Variants in RBFOX1 observed in about 807,000 individuals in gnomAD.
RBFOX1 encodes RNA binding fox-1 homolog 1.
In RBFOX1, 8 loss-of-function variants were observed where a neutral mutation model predicts 57.7. The ratio of observed to expected loss-of-function variants is 0.14; its 90% CI spans 0.08 to 0.25. The LOEUF (loss-of-function observed/expected upper bound fraction) is 0.25. RBFOX1 is among the 10% of genes least tolerant of loss of function. The pLI, the probability that RBFOX1 is intolerant of heterozygous loss-of-function variation, is 1.00. For missense variants in RBFOX1, 611 were observed against 548.5 expected (o/e 1.11, Z -1.14); for synonymous variants, 326 against 222.4 (o/e 1.47, Z -4.15).
chr16:6,053,608 G>A (rs570973781), intron 1 of RBFOX1, among the ~76,000 whole-genome samples: 11 of 152,234 alleles, frequency 7.2e-5, no homozygotes, highest in East Asian at 1.9e-4. Flanking sequence ...ACTGTGTTGC[G>A]TAAATAGTCA....
chr16:7,448,773 T>A, intron 4 of RBFOX1, among the ~76,000 whole-genome samples: 1 of 152,150 alleles, frequency 6.6e-6, no homozygotes, highest in Non-Finnish European at 1.5e-5. Flanking sequence ...ATTTTCCTTC[T>A]ATGTTTGTCT....
intron 11 of RBFOX1, among the ~76,000 whole-genome samples, chr16:7,631,593 C>T (rs956807086): frequency 1.4e-4 from 22 of 152,214 alleles, no homozygotes; most frequent in South Asian, 8.3e-4. Flanking sequence ...CAGAATGAGT[C>T]GTCTTTAGGG....
chr16:6,804,674 C>T (rs1210656984), intron 3 of RBFOX1, among the ~76,000 whole-genome samples: 1 of 152,150 alleles, frequency 6.6e-6, no homozygotes, highest in South Asian at 2.1e-4. Context: ...AGCCAACTTT[C>T]TAAAGAATAA....
chr16:6,861,581 A>G (rs1477040387), intron 3 of RBFOX1, among the ~76,000 whole-genome samples: 1 of 146,558 alleles, frequency 6.8e-6, no homozygotes, highest in Non-Finnish European at 1.5e-5. Flanking sequence ...CTCTCATTTC[A>G]TATGAAAGTA....
intron 3 of RBFOX1, among the ~76,000 whole-genome samples, chr16:5,673,931 G>T (rs1038473313): frequency 1.3e-5 from 2 of 152,210 alleles, no homozygotes; most frequent in Admixed American, 1.3e-4. Flanking sequence ...AAAACCGAAA[G>T]GGGGAATGAG....
At chr16:7,420,729 C>G (rs778587105) in intron 4 of RBFOX1, among the ~76,000 whole-genome samples, 1 of 151,148 alleles carries the variant, frequency 6.6e-6, no homozygotes, top group African/African-American at 2.4e-5. Context: ...AAATGTATGA[C>G]TTCAATTACA....
upstream of RBFOX1, among the ~76,000 whole-genome samples, chr16:6,015,882 C>T (rs959875493): frequency 9.2e-5 from 14 of 152,164 alleles, no homozygotes; most frequent in African/African-American, 1.2e-4. Context: ...TTGGACTGTA[C>T]GCTTCTCGAG....
chr16:6,681,226 C>T (rs1472809333), intron 3 of RBFOX1, among the ~76,000 whole-genome samples: 2 of 152,060 alleles, frequency 1.3e-5, no homozygotes, highest in African/African-American at 4.8e-5. Context: ...GCAGGAGCAT[C>T]ACTTAAGCCT....
chr16:7,611,059 A>G (rs957690226), intron 10 of RBFOX1, among the ~76,000 whole-genome samples: 1 of 152,180 alleles, frequency 6.6e-6, no homozygotes, highest in African/African-American at 2.4e-5. Flanking sequence ...TCATTTCTCT[A>G]TATAAGGTTG....
intron 13 of RBFOX1, among the ~76,000 whole-genome samples, chr16:7,672,453 G>C (rs1042056119): frequency 2.6e-5 from 4 of 152,112 alleles, no homozygotes; most frequent in Non-Finnish European, 5.9e-5. Context: ...ATTAAAACCT[G>C]AATGTGAGAA....
intron 4 of RBFOX1, among the ~76,000 whole-genome samples, chr16:7,317,565 C>T (rs1401458020): frequency 6.6e-6 from 1 of 152,156 alleles, no homozygotes; most frequent in Non-Finnish European, 1.5e-5. Flanking sequence ...AAGGCACTCA[C>T]CAGCTTGGTA....
At chr16:5,894,755 C>T (rs959862055) in intron 4 of RBFOX1, among the ~76,000 whole-genome samples, 6 of 152,160 alleles carry the variant, frequency 3.9e-5, no homozygotes, top group Non-Finnish European at 8.8e-5. Context: ...GGCGTGGTGG[C>T]TCACGCCTGT....
chr16:6,489,229 A>G (rs1287960402), intron 2 of RBFOX1, among the ~76,000 whole-genome samples: 1 of 152,230 alleles, frequency 6.6e-6, no homozygotes, highest in African/African-American at 2.4e-5. Flanking sequence ...TGGAAGAGCA[A>G]TTCTAACAAC....
At chr16:6,466,402 C>G (rs971828025) in intron 2 of RBFOX1, among the ~76,000 whole-genome samples, 2 of 152,202 alleles carry the variant, frequency 1.3e-5, no homozygotes, top group East Asian at 1.9e-4. Context: ...TTAGAATCCT[C>G]TCAGCCACCA....
At chr16:6,888,344 A>C (rs1044978230) in intron 3 of RBFOX1, among the ~76,000 whole-genome samples, 2 of 152,180 alleles carry the variant, frequency 1.3e-5, no homozygotes, top group African/African-American at 4.8e-5. Flanking sequence ...GAATCACTGA[A>C]GCTGTTTGAA....
intron 5 of RBFOX1, among the ~76,000 whole-genome samples, chr16:7,559,581 C>A (rs551982813): frequency 4.4e-4 from 67 of 152,298 alleles, no homozygotes; most frequent in Non-Finnish European, 6.3e-4. Flanking sequence ...AACCCTGATA[C>A]ACGAGACACC....
chr16:6,780,874 C>G (rs1272854586), intron 3 of RBFOX1, among the ~76,000 whole-genome samples: 3 of 152,050 alleles, frequency 2.0e-5, no homozygotes, highest in South Asian at 2.1e-4. Context: ...GTTTGAGCTC[C>G]TCACATGTTC....
intron 11 of RBFOX1, among the ~76,000 whole-genome samples, chr16:7,646,496 C>T (rs754542589): frequency 2.0e-5 from 3 of 152,200 alleles, no homozygotes; most frequent in Non-Finnish European, 4.4e-5. Flanking sequence ...TTAAAACCTT[C>T]CAAGGCTGGG....
intron 3 of RBFOX1, among the ~76,000 whole-genome samples, chr16:6,825,889 G>A (rs540849812): frequency 2.0e-5 from 3 of 152,300 alleles, no homozygotes; most frequent in East Asian, 1.9e-4. Context: ...GTAGGTGGCA[G>A]CAAGACTTTA....
Sources: allele counts gnomAD v4.1 joint callset (sites outside exome capture counted in the v4.1 genomes callset), GRCh38; gene constraint gnomAD v4.1.1; transcripts MANE v1.5; gene names NCBI Gene and HGNC (gene_info 2026-07-23, HGNC 2026-07-21).